Variants in SRRM4 observed in about 807,000 individuals in gnomAD.
SRRM4 encodes serine/arginine repetitive matrix 4.
A neutral mutation model predicts 68.9 loss-of-function variants in SRRM4; 33 were observed. The ratio of observed to expected loss-of-function variants is 0.48; its 90% confidence interval spans 0.36 to 0.64. The LOEUF is 0.64. Ranked by LOEUF, SRRM4 falls within the 30% of genes least tolerant of loss-of-function variation. The pLI, the probability that SRRM4 is intolerant of heterozygous loss-of-function variation, is 0.00. For synonymous variants in SRRM4, 318 were observed against 318.8 expected, an observed-to-expected ratio of 1.00 and a Z score of 0.03; for missense variants, 817 against 827.1, an observed-to-expected ratio of 0.99 and a Z score of 0.15.
At position 118,983,122 on chromosome 12, in the gene SRRM4, C is replaced by T. The variant is rs141199815; in HGVS notation, c.131+1109C>T. On this transcript the variant is annotated intron_variant, in intron 1 of 12. Transcript: ENST00000267260. The stretch of plus-strand genomic sequence containing the variant: ...GCAAAAGTGCTTAGGACAGACTGAA[C>T]GTCTGTTCTGGCACAACTGATTCTG... Among the ~76,000 whole-genome samples, 320 of 152,250 alleles carry T rather than the reference C, an allele frequency of 2.1e-3. 3 individuals carry two copies. Among genetic ancestry groups the T allele is most frequent in the East Asian group, 0.018 (92 of 5,166 alleles).
chr12:119,149,758 G>A (rs1954427493), intron 9 of SRRM4, among the ~76,000 whole-genome samples: 2 of 152,196 alleles, frequency 1.3e-5, no homozygotes, highest in African/African-American at 4.8e-5. Flanking sequence ...GTCTATGACA[G>A]CTGGAGTCAG....
chr12:119,080,840 CA>C (rs1184027160), intron 1 of SRRM4, among the ~76,000 whole-genome samples: 2 of 152,292 alleles, frequency 1.3e-5, no homozygotes, highest in South Asian at 4.1e-4. Context: ...TCTCTTTTTT[CA>C]AGAGTCCAGA....
intron 8 of SRRM4, among the ~76,000 whole-genome samples, chr12:119,142,174 A>T (rs1158391445): frequency 6.6e-6 from 1 of 152,194 alleles, no homozygotes; most frequent in African/African-American, 2.4e-5. Context: ...GCTGTAAAAA[A>T]CACTGTCATC....
intron 1 of SRRM4, among the ~76,000 whole-genome samples, chr12:118,998,053 A>G (rs992760084): frequency 6.6e-6 from 1 of 152,156 alleles, no homozygotes; most frequent in African/African-American, 2.4e-5. Flanking sequence ...AAGTCAGTAG[A>G]ATGGGAGCCA....
intron 1 of SRRM4, among the ~76,000 whole-genome samples, chr12:119,073,093 GA>G (rs11383655): frequency 1.4e-4 from 21 of 147,888 alleles, no homozygotes; most frequent in African/African-American, 4.5e-4. Flanking sequence ...ACATGAAAAG[GA>G]AAAAAAAAAA....
At chr12:119,043,303 A>G (rs1953681704) in intron 1 of SRRM4, among the ~76,000 whole-genome samples, 1 of 151,768 alleles carries the variant, frequency 6.6e-6, no homozygotes, top group South Asian at 2.1e-4. Flanking sequence ...AAAACTAAAC[A>G]CCTCATGTTC....
At chr12:119,149,559 T>C (rs970729951) in intron 9 of SRRM4, among the ~76,000 whole-genome samples, 2 of 151,740 alleles carry the variant, frequency 1.3e-5, no homozygotes, top group African/African-American at 4.8e-5. Flanking sequence ...ACACTGGAGG[T>C]CGCCCAACCC....
chr12:119,143,024 A>G (rs973413897), intron 8 of SRRM4, among the ~76,000 whole-genome samples: 3 of 152,248 alleles, frequency 2.0e-5, no homozygotes, highest in Non-Finnish European at 4.4e-5. Context: ...CCCTTCTCCC[A>G]AAGCAAAGCT....
At chr12:118,994,180 A>G (rs1230689218) in intron 1 of SRRM4, 1 of 152,256 alleles carries the variant, frequency 6.6e-6, no homozygotes, top group Non-Finnish European at 1.5e-5. Flanking sequence ...GTAAAAATAA[A>G]TAAAAAATAA....
At chr12:119,100,295 A>G (rs1186908642) in intron 1 of SRRM4, among the ~76,000 whole-genome samples, 1 of 146,362 alleles carries the variant, frequency 6.8e-6, no homozygotes, top group Non-Finnish European at 1.5e-5. Flanking sequence ...GTTCAAGACC[A>G]GTTTGAACAA....
intron 1 of SRRM4, among the ~76,000 whole-genome samples, chr12:119,050,116 A>C (rs1437000292): frequency 1.3e-5 from 2 of 152,178 alleles, no homozygotes; most frequent in Non-Finnish European, 2.9e-5. Flanking sequence ...CACTCTTCAT[A>C]CCTGAGCAAT....
intron 1 of SRRM4, among the ~76,000 whole-genome samples, chr12:119,014,371 A>G (rs966367492): frequency 6.6e-6 from 1 of 152,108 alleles, no homozygotes; most frequent in African/African-American, 2.4e-5. Flanking sequence ...ACGGGATTTT[A>G]TCTCCTTCCC....
intron 1 of SRRM4, among the ~76,000 whole-genome samples, chr12:119,057,105 C>T (rs1291654309): frequency 6.6e-6 from 1 of 152,182 alleles, no homozygotes; most frequent in African/African-American, 2.4e-5. Flanking sequence ...AAATGAAACC[C>T]GCATCCTCAG....
chr12:119,119,670 C>T (rs1565912647), intron 4 of SRRM4, among the ~76,000 whole-genome samples: 2 of 152,036 alleles, frequency 1.3e-5, no homozygotes, highest in South Asian at 2.1e-4. Flanking sequence ...TGAGATTGTA[C>T]GTGACAGGTG....
chr12:119,018,186 GTC>G (rs1953493287), intron 1 of SRRM4, among the ~76,000 whole-genome samples: 1 of 152,146 alleles, frequency 6.6e-6, no homozygotes, highest in East Asian at 1.9e-4. Context: ...ACTCAAATCT[GTC>G]TCTCTGTGCT....
At chr12:119,045,417 G>C (rs1953699425) in intron 1 of SRRM4, among the ~76,000 whole-genome samples, 1 of 151,166 alleles carries the variant, frequency 6.6e-6, no homozygotes, top group Non-Finnish European at 1.5e-5. Context: ...TTATAATCAA[G>C]ACTTAGGAAC....
chr12:119,009,740 G>T (rs1263691597), intron 1 of SRRM4, among the ~76,000 whole-genome samples: 4 of 152,134 alleles, frequency 2.6e-5, no homozygotes, highest in Non-Finnish European at 5.9e-5. Context: ...CTGTATACAG[G>T]CACTGTGCTA....
chr12:118,983,950 G>A (rs952259466), intron 1 of SRRM4, among the ~76,000 whole-genome samples: 2 of 152,012 alleles, frequency 1.3e-5, no homozygotes. Flanking sequence ...TTAATGTCGT[G>A]GGTCTCCTTT....
At chr12:119,053,748 T>TG (rs1953759437) in intron 1 of SRRM4, among the ~76,000 whole-genome samples, 1 of 62,968 alleles carries the variant, frequency 1.6e-5, no homozygotes, top group Non-Finnish European at 3.7e-5. Context: ...CCAACAGTAG[T>TG]TTTTTTTTTT....
Sources: allele counts gnomAD v4.1 joint callset (sites outside exome capture counted in the v4.1 genomes callset), GRCh38; gene constraint gnomAD v4.1.1; transcripts MANE v1.5; gene names NCBI Gene and HGNC (gene_info 2026-07-23, HGNC 2026-07-21).